UNC5C: variants seen among roughly 807,000 people sequenced by gnomAD.
UNC5C encodes the protein netrin receptor UNC5C.
Under a neutral mutation model 99.8 loss-of-function variants are expected in UNC5C, and 47 were observed. The ratio of observed to expected loss-of-function variants is 0.47; its 90% confidence interval spans 0.37 to 0.60. UNC5C has a LOEUF of 0.60. Among genes scored for constraint, UNC5C ranks in the 20% least tolerant of loss-of-function variants. UNC5C has a pLI of 0.00. For synonymous variants in UNC5C, 487 were observed against 452.2 expected (o/e 1.08, Z -0.98); for missense variants, 1,062 against 1,165.9 (o/e 0.91, Z 1.30).
intron 1 of UNC5C, among the ~76,000 whole-genome samples, chr4:95,403,091 G>A (rs938393550): frequency 2.6e-5 from 4 of 152,110 alleles, no homozygotes; most frequent in African/African-American, 9.7e-5. Flanking sequence ...AATTAGACAC[G>A]TGGGCCAGTA....
intron 15 of UNC5C, 54 bp from the exon 16 acceptor site, chr4:95,169,453 T>C: frequency 6.3e-7 from 1 of 1,584,984 alleles, no homozygotes; most frequent in South Asian, 1.1e-5. Context: ...ATATCTATTT[T>C]TCCTCAGCTA....
At chr4:95,279,205 A>G (rs150440862) in intron 3 of UNC5C, among the ~76,000 whole-genome samples, 323 of 152,356 alleles carry the variant, frequency 2.1e-3, no homozygotes, top group African/African-American at 7.4e-3. Flanking sequence ...TGTCTCAAGT[A>G]CAAGGCAGAG....
intron 13 of UNC5C, among the ~76,000 whole-genome samples, chr4:95,183,971 TTAAC>T (rs1292242495): frequency 6.6e-6 from 1 of 152,202 alleles, no homozygotes; most frequent in Non-Finnish European, 1.5e-5. Flanking sequence ...AGGCTTAGCT[TTAAC>T]TAATATCATA....
At chr4:95,284,580 A>G (rs1158005610) in intron 3 of UNC5C, among the ~76,000 whole-genome samples, 1 of 152,212 alleles carries the variant, frequency 6.6e-6, no homozygotes, top group Non-Finnish European at 1.5e-5. Context: ...AGTAAGAGTT[A>G]GAAACTAGGG....
chr4:95,353,949 A>C (rs1264532207), intron 1 of UNC5C, among the ~76,000 whole-genome samples: 4 of 152,172 alleles, frequency 2.6e-5, no homozygotes, highest in Non-Finnish European at 5.9e-5. Flanking sequence ...TGAAAAGTAC[A>C]GAAGTCCATA....
chr4:95,511,671 C>G (rs1284641814), intron 1 of UNC5C, among the ~76,000 whole-genome samples: 4 of 152,090 alleles, frequency 2.6e-5, no homozygotes, highest in Non-Finnish European at 5.9e-5. Context: ...CTCAACGCAG[C>G]TTTCATTTTA....
intron 1 of UNC5C, among the ~76,000 whole-genome samples, chr4:95,503,032 G>A (rs1721817464): frequency 6.6e-6 from 1 of 151,990 alleles, no homozygotes; most frequent in South Asian, 2.1e-4. Flanking sequence ...CAGTGAAAAA[G>A]TTTGGTTCAT....
intron 1 of UNC5C, among the ~76,000 whole-genome samples, chr4:95,467,282 G>A (rs544734827): frequency 3.3e-5 from 5 of 152,164 alleles, no homozygotes; most frequent in Non-Finnish European, 7.3e-5. Context: ...AATTTGTTAC[G>A]CAGCAATAGA....
chr4:95,406,274 T>C (rs1284037356), intron 1 of UNC5C, among the ~76,000 whole-genome samples: 2 of 152,234 alleles, frequency 1.3e-5, no homozygotes, highest in African/African-American at 4.8e-5. Flanking sequence ...TTCAGTGTTC[T>C]GCTTCCCATC....
chr4:95,493,005 G>C (rs578200747), intron 1 of UNC5C, among the ~76,000 whole-genome samples: 1 of 151,284 alleles, frequency 6.6e-6, no homozygotes, highest in African/African-American at 2.4e-5. Context: ...CTACAGAAAA[G>C]CTAAAAAATA....
intron 1 of UNC5C, among the ~76,000 whole-genome samples, chr4:95,505,411 A>G (rs1721890160): frequency 6.6e-6 from 1 of 152,142 alleles, no homozygotes; most frequent in Non-Finnish European, 1.5e-5. Context: ...CTGCATTGTT[A>G]TAACCCACTC....
At chr4:95,308,751 C>CA (rs59626139) in intron 2 of UNC5C, among the ~76,000 whole-genome samples, 549 of 34,396 alleles carry the variant, frequency 0.016, 119 homozygotes, top group African/African-American at 0.021. Context: ...GACTCTGTCT[C>CA]AAAAAAAAAA....
chr4:95,400,381 A>ATTTTTTTT (rs1553969357), intron 1 of UNC5C, among the ~76,000 whole-genome samples: 10 of 97,640 alleles, frequency 1.0e-4, no homozygotes, highest in South Asian at 3.5e-4. Context: ...AGTGAGATGA[A>ATTTTTTTT]TTCTTTTTTT....
At chr4:95,308,237 A>G (rs1161781028) in intron 2 of UNC5C, among the ~76,000 whole-genome samples, 1 of 152,198 alleles carries the variant, frequency 6.6e-6, no homozygotes, top group Middle Eastern at 3.2e-3. Context: ...TAAAATTAAT[A>G]AATGAATTCA....
chr4:95,491,053 A>G (rs1379164409), intron 1 of UNC5C, among the ~76,000 whole-genome samples: 4 of 151,590 alleles, frequency 2.6e-5, no homozygotes, highest in Admixed American at 2.0e-4. Context: ...ATCAATGGGA[A>G]GGTGGTAGCA....
intron 4 of UNC5C, among the ~76,000 whole-genome samples, chr4:95,255,507 G>A (rs1739940146): frequency 6.6e-6 from 1 of 152,090 alleles, no homozygotes; most frequent in Non-Finnish European, 1.5e-5. Context: ...CTATGTCACT[G>A]AGAAAACTGA....
chr4:95,356,204 A>AC (rs1744185156), intron 1 of UNC5C, among the ~76,000 whole-genome samples: 1 of 138,122 alleles, frequency 7.2e-6, no homozygotes, highest in African/African-American at 2.8e-5. Context: ...AAAAAAAAAA[A>AC]AAAAAAAACA....
intron 1 of UNC5C, among the ~76,000 whole-genome samples, chr4:95,472,641 C>T (rs2149474918): frequency 6.6e-6 from 1 of 152,164 alleles, no homozygotes; most frequent in African/African-American, 2.4e-5. Context: ...TATAAATTCA[C>T]CTTTCAATCA....
chr4:95,173,849 C>T (rs1356272578), intron 14 of UNC5C, among the ~76,000 whole-genome samples: 5 of 151,974 alleles, frequency 3.3e-5, no homozygotes, highest in African/African-American at 1.2e-4. Flanking sequence ...TGGTAGAATT[C>T]GGCTGTGAAT....
Sources: allele counts gnomAD v4.1 joint callset (sites outside exome capture counted in the v4.1 genomes callset), GRCh38; gene constraint gnomAD v4.1.1; transcripts MANE v1.5; gene names NCBI Gene and HGNC (gene_info 2026-07-23, HGNC 2026-07-21).